The following NDUFA10 variants were observed in gnomAD, a reference collection of about 807,000 sequenced individuals.
NDUFA10 encodes the protein NADH:ubiquinone oxidoreductase subunit A10, also known as NADH dehydrogenase [ubiquinone] 1 alpha subcomplex subunit 10, mitochondrial.
Under a neutral mutation model 47.8 loss-of-function variants are expected in NDUFA10, and 40 were observed. The ratio of observed to expected loss-of-function variants is 0.84; its 90% CI spans 0.65 to 1.09. The LOEUF is 1.09. Among genes scored for constraint, NDUFA10 ranks in the 50% least tolerant of loss-of-function variants. The pLI is 0.00. For missense variants in NDUFA10, 413 were observed against 451.1 expected (o/e 0.92, Z 0.76); for synonymous variants, 183 against 172.2 (o/e 1.06, Z -0.49).
chr2:239,907,735 A>T (rs549055924), intron 4 of NDUFA10, among the ~76,000 whole-genome samples: 157 of 152,344 alleles, frequency 1.0e-3, no homozygotes, highest in Non-Finnish European at 1.7e-3. Flanking sequence ...ATCATTAAAA[A>T]GTCAGGAAAC....
At chr2:239,915,882 C>G (rs1415948288) in intron 4 of NDUFA10, among the ~76,000 whole-genome samples, 1 of 150,592 alleles carries the variant, frequency 6.6e-6, no homozygotes, top group African/African-American at 2.4e-5. Context: ...CAGACACACA[C>G]AGAGAGACAC....
At chr2:239,931,776 C>A (rs1574786862) in intron 4 of NDUFA10, among the ~76,000 whole-genome samples, 1 of 148,754 alleles carries the variant, frequency 6.7e-6, no homozygotes, top group Non-Finnish European at 1.5e-5. Context: ...TCCCTCTGGA[C>A]AAATCACACT....
chr2:240,003,137 C>T (rs1696792509), intron 8 of NDUFA10, among the ~76,000 whole-genome samples: 1 of 152,174 alleles, frequency 6.6e-6, no homozygotes, highest in African/African-American at 2.4e-5. Flanking sequence ...GACGTGAACG[C>T]TGCCTGGCCA....
chr2:239,901,884 G>A (rs1174203054), intron 4 of NDUFA10, among the ~76,000 whole-genome samples: 1 of 152,130 alleles, frequency 6.6e-6, no homozygotes, highest in Non-Finnish European at 1.5e-5. Context: ...CAGATGTAGT[G>A]GAAATGACAA....
intron 4 of NDUFA10, among the ~76,000 whole-genome samples, chr2:239,939,014 G>C (rs1478149638): frequency 6.6e-6 from 1 of 152,094 alleles, no homozygotes; most frequent in African/African-American, 2.4e-5. Context: ...GGGGGAAACA[G>C]TGCTCGGCGG....
chr2:239,927,242 T>C (rs1295524456), intron 4 of NDUFA10, among the ~76,000 whole-genome samples: 1 of 152,126 alleles, frequency 6.6e-6, no homozygotes, highest in Non-Finnish European at 1.5e-5. Context: ...ATAAAGCTTA[T>C]AGAATAAGGA....
chr2:239,969,056 A>G (rs540687411), intron 9 of NDUFA10, among the ~76,000 whole-genome samples: 88 of 152,386 alleles, frequency 5.8e-4, no homozygotes, highest in Admixed American at 2.1e-3. Flanking sequence ...GGAATAGAAC[A>G]AGATCTAGCA....
chr2:239,915,405 A>AAC (rs1281083704), intron 4 of NDUFA10, among the ~76,000 whole-genome samples: 1 of 67,226 alleles, frequency 1.5e-5, no homozygotes, highest in Admixed American at 1.6e-4. Flanking sequence ...ATACACACAG[A>AAC]ACACACACAT....
chr2:239,908,463 C>T (rs1024725607), intron 4 of NDUFA10, among the ~76,000 whole-genome samples: 4 of 152,136 alleles, frequency 2.6e-5, no homozygotes, highest in African/African-American at 7.2e-5. Context: ...GCACGGTGCT[C>T]CCAGACTTGA....
intron 8 of NDUFA10, among the ~76,000 whole-genome samples, chr2:239,998,612 T>C (rs889976568): frequency 2.0e-5 from 3 of 152,124 alleles, no homozygotes; most frequent in Admixed American, 6.5e-5. Context: ...CAGGGTACGA[T>C]GGGAGTTATG....
At chr2:239,946,953 G>A (rs1017882951) in intron 4 of NDUFA10, among the ~76,000 whole-genome samples, 6 of 152,236 alleles carry the variant, frequency 3.9e-5, no homozygotes, top group African/African-American at 7.2e-5. Context: ...CAGGGTTGGC[G>A]GAAGGAGGGA....
At chr2:239,936,034 C>A (rs1420247279) in intron 4 of NDUFA10, among the ~76,000 whole-genome samples, 1 of 152,242 alleles carries the variant, frequency 6.6e-6, no homozygotes, top group Non-Finnish European at 1.5e-5. Context: ...CCGGCTCCCC[C>A]AGGGCTGGGC....
chr2:239,896,726 T>A (rs1247186874), intron 4 of NDUFA10, among the ~76,000 whole-genome samples: 1 of 152,234 alleles, frequency 6.6e-6, no homozygotes, highest in Non-Finnish European at 1.5e-5. Context: ...GATAGTCATA[T>A]GTGTCGTGGT....
downstream of NDUFA10, among the ~76,000 whole-genome samples, chr2:239,953,391 A>G (rs1694593346): frequency 6.6e-6 from 1 of 152,194 alleles, no homozygotes; most frequent in African/African-American, 2.4e-5. Flanking sequence ...AACTTAGGAT[A>G]ATAGATCTGT....
At chr2:240,002,795 GT>G (rs113852520) in intron 8 of NDUFA10, among the ~76,000 whole-genome samples, 1 of 151,972 alleles carries the variant, frequency 6.6e-6, no homozygotes. Context: ...AGAATGACTA[GT>G]TTTTTTTAAT....
chr2:239,952,037 G>A (rs1694563508), intron 4 of NDUFA10, among the ~76,000 whole-genome samples: 1 of 152,232 alleles, frequency 6.6e-6, no homozygotes, highest in Admixed American at 6.5e-5. Flanking sequence ...GCCAAAGGCT[G>A]CTGCCTGAAG....
Position 239,945,271 on chromosome 2 carries a change from G to A in NDUFA10, c.294+44803C>T, listed in dbSNP as rs961968197. ...GCTCCTTCATTTGCACAACCGCAGC[G>A]GCAGCGCCATCATTCCTCCTGCTTT... is the stretch of plus-strand genomic sequence containing the variant. On this transcript the variant is annotated intron_variant, in intron 4 of 5. Transcript: ENST00000419408. This position sits in a 1 kb window ranked among gnomAD's most constrained non-coding sequence, Gnocchi z 4.6. 1.3e-5 allele frequency among the ~76,000 whole-genome samples: 2 copies of A among 152,192 alleles called. No homozygotes were observed. Among genetic ancestry groups the A allele is most frequent in the Non-Finnish European group, 2.9e-5 (2 of 68,036 alleles).
chr2:239,982,766 G>C (rs1046864723), intron 9 of NDUFA10, among the ~76,000 whole-genome samples: 14 of 152,190 alleles, frequency 9.2e-5, no homozygotes, highest in African/African-American at 3.4e-4. Flanking sequence ...TACACCATTA[G>C]TATTTGTTTT....
intron 4 of NDUFA10, among the ~76,000 whole-genome samples, chr2:239,898,947 G>GTGATGGAGGAGTGTGA (rs1469373634): frequency 1.4e-5 from 2 of 137,962 alleles, no homozygotes; most frequent in Non-Finnish European, 3.3e-5. Flanking sequence ...ACGGAGGGGT[G>GTGATGGAGGAGTGTGA]TGGAGGGGTG....
Sources: gnomAD v4.1 joint callset for allele counts (sites outside exome capture counted in the v4.1 genomes callset) on GRCh38, gnomAD v4.1.1 for gene constraint, Gnocchi (gnomAD v3.1) non-coding constraint, MANE v1.5 for transcripts, NCBI Gene and HGNC (gene_info 2026-07-23, HGNC 2026-07-21) for gene names.